Variants in IGF2R observed in about 807,000 individuals in gnomAD.
IGF2R encodes the protein insulin like growth factor 2 receptor.
IGF2R carries 91 observed loss-of-function variants against 270.6 expected under a neutral mutation model. The ratio of observed to expected loss-of-function variants is 0.34; its 90% CI spans 0.28 to 0.40. The LOEUF is 0.40. IGF2R is among the 10% of genes least tolerant of loss of function. The pLI is 1.00. For synonymous variants in IGF2R, 1,316 were observed against 1,258.9 expected (o/e 1.05, Z -0.96); for missense variants, 2,805 against 3,188.3 (o/e 0.88, Z 2.90).
chr6:160,034,363 A>G, intron 9 of IGF2R, 56 bp from the exon 10 acceptor site: 1 of 1,134,892 alleles, frequency 8.8e-7, no homozygotes, highest in Non-Finnish European at 1.3e-6. Flanking sequence ...AAAAAGATTC[A>G]AGTTTTTTTC....
In IGF2R at chr6:160,073,898, C is replaced by T. The variant is rs767478178; in HGVS notation, c.5089C>T (p.Pro1697Ser). Residue 1697 changes from proline to serine, a missense_variant, in exon 35 of 48, where the codon CCA becomes TCA. Physicochemically the swap from Pro to Ser is moderately conservative, Grantham distance 74. This residue lies in a region of IGF2R where 1,851 missense variants were observed against 2,207.2 expected (regional missense o/e 0.84). Coordinates refer to ENST00000356956, the MANE Select transcript of IGF2R (RefSeq NM_000876.4). ...NPDFYINICQ[P>S]LNPMHGVPCP... ...TGATTTCTACATCAATATTTGTCAGCCACTAAATCCCATGCACGGAGTGCC... is the reference window on the plus strand; with the variant it reads ...TGATTTCTACATCAATATTTGTCAGTCACTAAATCCCATGCACGGAGTGCC... 8 of 1,614,064 alleles carry T rather than the reference C, an allele frequency of 5.0e-6. No individual in the cohort carries two copies. In the African/African-American group the frequency reaches 9.3e-5, roughly 19 times the overall value.
chr6:159,991,009 T>C (rs908873935), intron 1 of IGF2R, among the ~76,000 whole-genome samples, 175 bp from the exon 2 acceptor site: 10 of 152,278 alleles, frequency 6.6e-5, no homozygotes, highest in Non-Finnish European at 1.3e-4. Context: ...GTTAGTAGTT[T>C]CTGCCCTGGC....
At chr6:160,091,792 C>G (rs141262168) in intron 44 of IGF2R, among the ~76,000 whole-genome samples, 38 of 152,320 alleles carry the variant, frequency 2.5e-4, no homozygotes, top group African/African-American at 7.7e-4. Context: ...AGGATTGTTT[C>G]AGAAGCCTTC....
chr6:160,103,391 G>A (rs1034067300), intron 46 of IGF2R, among the ~76,000 whole-genome samples: 3 of 152,166 alleles, frequency 2.0e-5, no homozygotes, highest in Non-Finnish European at 4.4e-5. Flanking sequence ...GAAGGTCTGG[G>A]CCGGGAAGGG....
chr6:159,969,474 A>C (rs1262363455), intron 1 of IGF2R, 79 bp downstream of exon 1: 1 of 1,048,646 alleles, frequency 9.5e-7, no homozygotes, highest in East Asian at 4.4e-5. Flanking sequence ...GGAGCGCTCG[A>C]GGAGCTCCTG....
At position 160,105,054 on chromosome 6, in the gene IGF2R, C is replaced by T. The variant is rs548937731; in HGVS notation, c.7446C>T (p.Asp2482=). Residue 2482 remains aspartate, a synonymous_variant, in exon 48 of 48, where the codon GAC becomes GAT. Coordinates refer to ENST00000356956, the MANE Select transcript of IGF2R (RefSeq NM_000876.4). The part of the protein sequence containing the change: ...VSSTKLVSFH[D]DSDEDLLHI ...CCACCAAGCTGGTGTCCTTCCATGA[C>T]GACAGCGACGAGGACCTCTTACACA... The T allele has an allele frequency of 2.4e-5, 39 of 1,602,546 alleles. No individual in the cohort carries two copies. Among genetic ancestry groups the T allele is most frequent in the African/African-American group, 1.3e-4 (10 of 74,812 alleles).
chr6:160,027,066 GT>G, intron 5 of IGF2R, 118 bp from the exon 6 acceptor site: 2 of 1,132,100 alleles, frequency 1.8e-6, no homozygotes, highest in South Asian at 2.9e-5. Flanking sequence ...TTTCAGAATA[GT>G]TACTTAGGGA....
At position 160,102,570 on chromosome 6, in the gene IGF2R, G is replaced by T; in HGVS notation, c.6894G>T (p.Gly2298=). Residue 2298 remains glycine (G), a synonymous_variant, in exon 46 of 48, where the codon GGG becomes GGT. Coordinates refer to ENST00000356956, the MANE Select transcript of IGF2R (RefSeq NM_000876.4). The surrounding 1 kb of genome is among the most constrained non-coding windows in gnomAD (Gnocchi z 4.5). Reference sequence around the variant, plus strand: ...GGGACGACGGGCAGATGCACAAGGGGCTGTCAGAACGGAGCCAGGCAGTCG... The same window carrying T: ...GGGACGACGGGCAGATGCACAAGGGTCTGTCAGAACGGAGCCAGGCAGTCG... ...NPGDDGQMHK[G]LSERSQAVGA... 6.2e-7 allele frequency: 1 copy of T among 1,613,552 alleles called. No individual in the cohort carries two copies. The highest frequency in any genetic ancestry group is 8.5e-7 in the Non-Finnish European group (1 of 1,179,980).
intron 46 of IGF2R, 40 bp from the exon 47 acceptor site, chr6:160,103,706 C>G (rs1432843549): frequency 1.3e-6 from 2 of 1,484,788 alleles, no homozygotes; most frequent in Non-Finnish European, 1.9e-6. Flanking sequence ...CCCATGCCCT[C>G]TCTACACTGG....
At chr6:159,989,294 C>A (rs1486792955) in intron 1 of IGF2R, among the ~76,000 whole-genome samples, 2 of 152,120 alleles carry the variant, frequency 1.3e-5, no homozygotes, top group Non-Finnish European at 2.9e-5. Flanking sequence ...GAAACTAGTT[C>A]AGGGTTGGGG....
intron 6 of IGF2R, among the ~76,000 whole-genome samples, chr6:160,029,267 A>T (rs9295121): frequency 0.13 from 20,442 of 152,244 alleles, 1,376 homozygotes; most frequent in East Asian, 0.22. Context: ...GGCGTGAGCC[A>T]TCGCACCCAG....
Position 160,105,304 on chromosome 6 carries a change from G to T in IGF2R, c.*220G>T. The T allele has an allele frequency of 1.9e-6, 1 of 515,952 alleles. No homozygotes were observed. The highest frequency in any genetic ancestry group is 3.4e-6 in the Non-Finnish European group (1 of 293,502). 32.0% of individuals were successfully genotyped at this position (515,952 alleles called of 1,614,324 possible). A position where few individuals can be genotyped will look rare whatever the true frequency, so the allele number is the denominator to read the frequency against. ...TAAGGCATGGCTCAGATCGGCCACA[G>T]GGCGGTACCTTGTGCCCAGGGTTTT... On this transcript the variant is annotated 3_prime_UTR_variant, in exon 48 of 48. Coordinates refer to ENST00000356956, the MANE Select transcript of IGF2R (RefSeq NM_000876.4).
intron 19 of IGF2R, among the ~76,000 whole-genome samples, chr6:160,051,004 G>T (rs566733636): frequency 4.4e-4 from 67 of 152,254 alleles, no homozygotes; most frequent in African/African-American, 1.5e-3. Flanking sequence ...AGATAGTTTG[G>T]TCCTGTAGGG....
chr6:160,022,190 A>G (rs1383089083), intron 4 of IGF2R, among the ~76,000 whole-genome samples: 1 of 152,200 alleles, frequency 6.6e-6, no homozygotes, highest in Non-Finnish European at 1.5e-5. Context: ...TAAATAATAC[A>G]TACACATGGA....
chr6:160,052,184 A>G (rs1260334091), intron 19 of IGF2R, among the ~76,000 whole-genome samples: 1 of 152,206 alleles, frequency 6.6e-6, no homozygotes, highest in African/African-American at 2.4e-5. Context: ...CCCCTTGGCA[A>G]CAGAGCAAGA....
intron 1 of IGF2R, among the ~76,000 whole-genome samples, chr6:159,970,452 G>T (rs1209418449): frequency 1.3e-5 from 2 of 151,890 alleles, no homozygotes; most frequent in Non-Finnish European, 2.9e-5. Flanking sequence ...TTATGGGGGG[G>T]GTTCTTATTT....
rs199662672 is a variant in IGF2R at position 160,073,932 on chromosome 6, C to T, written c.5123C>T (p.Ala1708Val). The change falls in exon 35 of 48, where the codon GCC becomes GTC. Residue 1708 changes from alanine to valine, a missense_variant. Ala to Val is a moderately conservative substitution (Grantham distance 64). This residue lies in a region of IGF2R where 1,851 missense variants were observed against 2,207.2 expected (regional missense o/e 0.84). Coordinates refer to ENST00000356956, the MANE Select transcript of IGF2R (RefSeq NM_000876.4). ...CCCATGCACGGAGTGCCCTGTCCTGCCGGAGCCGCTGTGTGCAAAGTTCCT... is the reference window on the plus strand; with the variant it reads ...CCCATGCACGGAGTGCCCTGTCCTGTCGGAGCCGCTGTGTGCAAAGTTCCT... The part of the protein sequence containing the change: ...LNPMHGVPCP[A>V]GAAVCKVPID... The T allele has an allele frequency of 6.2e-7, 1 of 1,614,050 alleles. No homozygotes were observed. Among genetic ancestry groups the T allele is most frequent in the East Asian group, 2.2e-5 (1 of 44,888 alleles).
Position 160,048,532 on chromosome 6 carries a change from G to A in IGF2R, c.2503G>A (p.Glu835Lys). ...RYASACQMKY[E>K]KDQGSFTEVV... ...TGCATCGGCTTGCCAGATGAAGTATGAAAAAGATCAGGTGAATCTGTTTTC... is the reference window on the plus strand; with the variant it reads ...TGCATCGGCTTGCCAGATGAAGTATAAAAAAGATCAGGTGAATCTGTTTTC... Residue 835 changes from glutamate to lysine, a missense_variant, in exon 18 of 48, where the codon GAA becomes AAA. Around this residue, in one of 2 missense-constraint regions of IGF2R, gnomAD observed 1,851 missense variants for 2,207.2 expected, o/e 0.84. Coordinates refer to ENST00000356956, the MANE Select transcript of IGF2R (RefSeq NM_000876.4). The A allele has an allele frequency of 6.2e-7, 1 of 1,613,088 alleles. No homozygotes were observed. Among genetic ancestry groups the A allele is most frequent in the Non-Finnish European group, 8.5e-7 (1 of 1,179,746 alleles).
intron 41 of IGF2R, among the ~76,000 whole-genome samples, chr6:160,086,851 C>T (rs1779107152): frequency 6.6e-6 from 1 of 152,204 alleles, no homozygotes. Context: ...GTTGCCTCCA[C>T]CGCATGCCCC....
Sources: allele counts gnomAD v4.1 joint callset (sites outside exome capture counted in the v4.1 genomes callset), GRCh38; gene constraint gnomAD v4.1.1; regional missense constraint gnomAD v4.1.1; non-coding constraint Gnocchi (gnomAD v3.1); transcripts MANE v1.5; gene names NCBI Gene and HGNC (gene_info 2026-07-23, HGNC 2026-07-21).